USH2A: variants seen among roughly 807,000 people sequenced by gnomAD.
USH2A encodes Usher syndrome 2A (autosomal recessive, mild).
USH2A carries 443 observed loss-of-function variants against 538.9 expected under a neutral mutation model. That is an observed-to-expected ratio of 0.82 (90% CI 0.76 to 0.89). The LOEUF (loss-of-function observed/expected upper bound fraction) is 0.89. Ranked by LOEUF, USH2A falls within the 40% of genes least tolerant of loss-of-function variation. The pLI is 0.00. For synonymous variants in USH2A, 2,413 were observed against 2,273.5 expected, an observed-to-expected ratio of 1.06 and a Z score of -1.75; for missense variants, 6,633 against 6,324.8, an observed-to-expected ratio of 1.05 and a Z score of -1.65.
At chr1:216,232,267 A>G (rs374732086) in intron 13 of USH2A, 131 bp from the exon 14 acceptor site, 2 of 1,056,978 alleles carry the variant, frequency 1.9e-6, no homozygotes, top group African/African-American at 3.2e-5. Flanking sequence ...ATGTGGTTAT[A>G]TCTGTCCTTC....
In USH2A at chr1:215,780,040, A is replaced by G. The variant is rs1571679370; in HGVS notation, c.10742T>C (p.Val3581Ala). ...AACTCCTTGGGTAGTAGCTGCAACT[A>G]CCTGAAGACGTAGGAATTAAGCAGC... ...TVAGCATSSKVVAATTQGVPE... is the reference protein window; with the variant it reads ...TVAGCATSSKAVAATTQGVPE... Residue 3581 changes from valine (V) to alanine (A), a missense_variant and splice_region_variant, in exon 55 of 72, where the codon GTA becomes GCA. Val to Ala is a moderately conservative substitution (Grantham distance 64). Coordinates refer to ENST00000307340, the MANE Select transcript of USH2A (RefSeq NM_206933.4). 6.2e-7 allele frequency: 1 copy of G among 1,614,134 alleles called. No homozygotes were observed. The highest frequency in any genetic ancestry group is 8.5e-7 in the Non-Finnish European group (1 of 1,180,016).
chr1:216,299,132 G>T (rs550080220), intron 9 of USH2A, among the ~76,000 whole-genome samples: 1 of 152,004 alleles, frequency 6.6e-6, no homozygotes, highest in Non-Finnish European at 1.5e-5. Flanking sequence ...GTGAGCCACC[G>T]TGCCTGTCCG....
At position 215,848,399 on chromosome 1, in the gene USH2A, T is replaced by C. The variant is rs751849739; in HGVS notation, c.8846-2366A>G. 7.2e-5 allele frequency among the ~76,000 whole-genome samples: 11 copies of C among 152,358 alleles called. No homozygotes were observed. In the South Asian group the frequency reaches 8.3e-4, roughly 11 times the overall value. On this transcript the variant is annotated intron_variant, in intron 44 of 71. Transcript: ENST00000307340. Reference sequence around the variant, plus strand: ...AATTAATTTCACTTGGGTTATTAAATGTGCCTGTTATCTGCACTATCAAGT... The same window carrying C: ...AATTAATTTCACTTGGGTTATTAAACGTGCCTGTTATCTGCACTATCAAGT...
intron 61 of USH2A, among the ~76,000 whole-genome samples, chr1:215,699,119 A>G (rs181507106): frequency 7.0e-4 from 107 of 152,272 alleles, no homozygotes; most frequent in Admixed American, 1.4e-3. Flanking sequence ...GTCAAAGATC[A>G]GATGGTTGTA....
chr1:216,019,771 C>G (rs1436777), intron 32 of USH2A, among the ~76,000 whole-genome samples: 93,174 of 151,998 alleles, frequency 0.61, 28,905 homozygotes, highest in East Asian at 0.75. Flanking sequence ...TGAGCAAGTA[C>G]TCCTTAATAG....
intron 52 of USH2A, among the ~76,000 whole-genome samples, chr1:215,785,257 T>C (rs1250547819): frequency 4.6e-5 from 7 of 152,102 alleles, no homozygotes; most frequent in Admixed American, 3.3e-4. Context: ...AGGGACTGCA[T>C]TGAGGAAAAG....
chr1:215,861,838 CTTTTTTT>C, intron 44 of USH2A, among the ~76,000 whole-genome samples: 1 of 110,356 alleles, frequency 9.1e-6, no homozygotes, highest in South Asian at 3.1e-4. Context: ...GTAGTTTTCG[CTTTTTTT>C]TTTTTTTTTT....
At position 216,408,706 on chromosome 1, in the gene USH2A, C is replaced by T. The variant is rs570599127; in HGVS notation, c.651+9808G>A. Reference sequence around the variant, plus strand: ...CTTCTTGGCATAGCCAAATTGCCAGCATTACTATTATTGCACTTTGGGGCC... The same window carrying T: ...CTTCTTGGCATAGCCAAATTGCCAGTATTACTATTATTGCACTTTGGGGCC... On this transcript the variant is annotated intron_variant, in intron 3 of 71. Transcript: ENST00000307340. Among the ~76,000 whole-genome samples the T allele has an allele frequency of 2.6e-5, 4 of 152,274 alleles. No individual in the cohort carries two copies. The East Asian group carries it at 5.8e-4, about 22-fold the overall frequency.
chr1:216,271,847 T>A (rs538215756), intron 11 of USH2A, among the ~76,000 whole-genome samples: 168 of 152,244 alleles, frequency 1.1e-3, no homozygotes, highest in African/African-American at 3.9e-3. Context: ...TAACTTTGCA[T>A]TCCTGGGAGA....
At chr1:216,166,136 T>C (rs2034164582) in intron 21 of USH2A, among the ~76,000 whole-genome samples, 2 of 152,050 alleles carry the variant, frequency 1.3e-5, no homozygotes, top group East Asian at 3.9e-4. Flanking sequence ...AGATTTGGCA[T>C]GGGAGGAGGC....
chr1:216,355,211 G>A (rs1016689649), intron 4 of USH2A, among the ~76,000 whole-genome samples: 4 of 151,882 alleles, frequency 2.6e-5, no homozygotes, highest in Non-Finnish European at 4.4e-5. Flanking sequence ...GCTGAGGCAT[G>A]AGAATTACTT....
At chr1:215,953,367 C>T (rs888254278) in intron 37 of USH2A, among the ~76,000 whole-genome samples, 3 of 151,908 alleles carry the variant, frequency 2.0e-5, no homozygotes, top group South Asian at 2.1e-4. Flanking sequence ...CCAAAACAGA[C>T]ATAGACCAAT....
At chr1:216,013,669 C>T (rs1237990426) in intron 32 of USH2A, among the ~76,000 whole-genome samples, 1 of 151,050 alleles carries the variant, frequency 6.6e-6, no homozygotes, top group East Asian at 2.0e-4. Context: ...TACCTTGTGA[C>T]CCCCACTCTG....
rs78039241 is a variant in USH2A at position 216,175,809 on chromosome 1, C to T, written c.4397-327G>A. On this transcript the variant is annotated intron_variant, in intron 20 of 71. Transcript: ENST00000307340. Reference sequence around the variant, plus strand: ...GCTGTACTCTGGGTGGTGCCCCAACCACAGTCCCTCTACCAAGCAGGTACC... The same window carrying T: ...GCTGTACTCTGGGTGGTGCCCCAACTACAGTCCCTCTACCAAGCAGGTACC... Among the ~76,000 whole-genome samples, 2,513 of 152,196 alleles carry T rather than the reference C, an allele frequency of 0.017. 55 individuals carry two copies. The highest frequency in any genetic ancestry group is 0.057 in the African/African-American group (2,375 of 41,524).
At chr1:216,194,421 TG>T (rs1173540285) in intron 19 of USH2A, among the ~76,000 whole-genome samples, 3 of 152,066 alleles carry the variant, frequency 2.0e-5, no homozygotes, top group Non-Finnish European at 4.4e-5. Context: ...ATCAATGCAC[TG>T]AAGAAAGACA....
At chr1:216,385,877 T>C (rs2038994564) in intron 3 of USH2A, among the ~76,000 whole-genome samples, 1 of 152,214 alleles carries the variant, frequency 6.6e-6, no homozygotes, top group Non-Finnish European at 1.5e-5. Flanking sequence ...GTCCCAAACC[T>C]GGAATTCTTC....
chr1:216,055,946 C>T (rs1267003298), intron 30 of USH2A, among the ~76,000 whole-genome samples: 4 of 152,148 alleles, frequency 2.6e-5, no homozygotes, highest in Non-Finnish European at 5.9e-5. Flanking sequence ...ATATCATATA[C>T]CTATCAAAGA....
rs201226666 is a variant in USH2A, at chr1:215,994,512, TTACAAGA to T, written c.6658-1352_6658-1346del. Among the ~76,000 whole-genome samples the T allele has an allele frequency of 8.9e-3, 1,349 of 152,272 alleles. 14 individuals carry two copies. Among genetic ancestry groups the T allele is most frequent in the Non-Finnish European group, 0.013 (852 of 68,008 alleles). On this transcript the variant is annotated intron_variant, in intron 34 of 71. Coordinates refer to ENST00000307340, the MANE Select transcript of USH2A (RefSeq NM_206933.4). ...ACATGGAAATTAATCTCACTTGCTA[TTACAAGA>T]CTATAGCAATAGCCCATGTCTTCAG...
intron 60 of USH2A, among the ~76,000 whole-genome samples, chr1:215,739,224 G>A (rs561702640): frequency 3.9e-5 from 6 of 152,132 alleles, no homozygotes; most frequent in Non-Finnish European, 8.8e-5. Flanking sequence ...TTGGAGGAAG[G>A]TTTATTGCTT....
Sources: gnomAD v4.1 joint callset for allele counts (sites outside exome capture counted in the v4.1 genomes callset) on GRCh38, gnomAD v4.1.1 for gene constraint, MANE v1.5 for transcripts, NCBI Gene and HGNC (gene_info 2026-07-23, HGNC 2026-07-21) for gene names.